The following ST18 variants were observed in gnomAD, a reference collection of about 807,000 sequenced individuals.
ST18 encodes the protein ST18 C2H2C-type zinc finger transcription factor.
Under a neutral mutation model 110.0 loss-of-function variants are expected in ST18, and 50 were observed. The observed-to-expected ratio is 0.45, with a 90% CI of 0.36 to 0.58. ST18 has a LOEUF of 0.58. Ranked by LOEUF, ST18 falls within the 20% of genes least tolerant of loss-of-function variation. ST18 has a pLI of 0.00. For missense variants in ST18, 1,306 were observed against 1,280.1 expected (o/e 1.02, Z -0.31); for synonymous variants, 461 against 452.4 (o/e 1.02, Z -0.24).
At chr8:52,369,351 T>C (rs150608398) in intron 2 of ST18, among the ~76,000 whole-genome samples, 40 of 152,300 alleles carry the variant, frequency 2.6e-4, no homozygotes, top group African/African-American at 9.4e-4. Flanking sequence ...TGGAGTATAC[T>C]ATTTCTGAGT....
chr8:52,179,132 C>T (rs1245294012), intron 9 of ST18, among the ~76,000 whole-genome samples: 5 of 152,052 alleles, frequency 3.3e-5, no homozygotes, highest in African/African-American at 1.2e-4. Flanking sequence ...GTAGAATATA[C>T]ATCTAGTTTC....
chr8:52,210,551 G>A (rs1203276634), intron 8 of ST18, among the ~76,000 whole-genome samples: 2 of 152,042 alleles, frequency 1.3e-5, no homozygotes, highest in East Asian at 1.9e-4. Flanking sequence ...CCAGCTACTC[G>A]AGAGGCTGAG....
At chr8:52,203,443 T>C (rs1439939087) in intron 8 of ST18, among the ~76,000 whole-genome samples, 7 of 152,162 alleles carry the variant, frequency 4.6e-5, no homozygotes, top group Non-Finnish European at 7.4e-5. Flanking sequence ...TAGTAGAGTT[T>C]TGAGAATTTA....
chr8:52,276,869 C>T (rs1443300134), intron 2 of ST18, among the ~76,000 whole-genome samples: 4 of 151,284 alleles, frequency 2.6e-5, no homozygotes, highest in South Asian at 2.1e-4. Context: ...CGGGTTCAAG[C>T]GATTCTCCTG....
chr8:52,409,542 T>C lies in ST18; in HGVS notation c.-590+6A>G, dbSNP rs1008717273. The C allele has an allele frequency of 2.0e-5, 3 of 147,558 alleles. No individual in the cohort carries two copies. Among genetic ancestry groups the C allele is most frequent in the African/African-American group, 7.4e-5 (3 of 40,462 alleles). 9.1% of individuals were successfully genotyped at this position (147,558 alleles called of 1,614,324 possible). On this transcript the variant is annotated splice_donor_region_variant and intron_variant, in intron 1 of 25. Coordinates refer to ENST00000689386, the MANE Select transcript of ST18 (RefSeq NM_001352837.2). ...CTACACAAATGCCAAGCCAATGTGA[T>C]AGCACCTTCCACAACTCTGCCAGGC...
chr8:52,282,679 C>T lies in ST18; in HGVS notation c.-464-52602G>A, dbSNP rs75847447. 4.1e-4 allele frequency among the ~76,000 whole-genome samples: 63 copies of T among 152,248 alleles called. No homozygotes were observed. The East Asian group carries it at 0.012, about 29-fold the overall frequency. On this transcript the variant is annotated intron_variant, in intron 2 of 25. Coordinates refer to ENST00000689386, the MANE Select transcript of ST18 (RefSeq NM_001352837.2). ...TTAGGTGCTTGAGGTATGAACCCCTCAGCCAGTACCAGAACTATCCTCCAG... is the reference window on the plus strand; with the variant it reads ...TTAGGTGCTTGAGGTATGAACCCCTTAGCCAGTACCAGAACTATCCTCCAG...
chr8:52,264,360 C>A lies in ST18; in HGVS notation c.-464-34283G>T, dbSNP rs550697596. 7.2e-5 allele frequency among the ~76,000 whole-genome samples: 11 copies of A among 152,074 alleles called. No individual in the cohort carries two copies. In the South Asian group the frequency reaches 2.3e-3, roughly 32 times the overall value. ...TCACACATCTGGGGTTTAAAAATTA[C>A]CCATATCAGCCAATTAAAACATTTC... is the stretch of plus-strand genomic sequence containing the variant. On this transcript the variant is annotated intron_variant, in intron 2 of 25. Transcript: ENST00000689386.
chr8:52,269,269 G>T (rs2094989816), intron 2 of ST18, among the ~76,000 whole-genome samples: 1 of 152,152 alleles, frequency 6.6e-6, no homozygotes, highest in Non-Finnish European at 1.5e-5. Context: ...GAGATAAATG[G>T]GTGAATGCAT....
chr8:52,388,690 T>G (rs1350341570), intron 2 of ST18, among the ~76,000 whole-genome samples: 2 of 150,432 alleles, frequency 1.3e-5, no homozygotes, highest in Non-Finnish European at 3.0e-5. Flanking sequence ...GAGAGAGAAG[T>G]CTACTCAGAT....
rs964495818 is a variant in ST18, at chr8:52,382,997, C to T, written c.-465+26331G>A. ...CACGCTTTCCAGTAAACCTTTCTATCGTAAAACCTGGGTTCTCCTTCTCTT... is the reference window on the plus strand; with the variant it reads ...CACGCTTTCCAGTAAACCTTTCTATTGTAAAACCTGGGTTCTCCTTCTCTT... On this transcript the variant is annotated intron_variant, in intron 2 of 25. Transcript: ENST00000689386. Among the ~76,000 whole-genome samples the T allele has an allele frequency of 2.6e-4, 39 of 152,092 alleles. 1 individual carries two copies. Among genetic ancestry groups the T allele is most frequent in the Admixed American group, 2.2e-3 (33 of 15,278 alleles).
chr8:52,234,369 A>T (rs2092244316), intron 2 of ST18, among the ~76,000 whole-genome samples: 1 of 151,950 alleles, frequency 6.6e-6, no homozygotes. Context: ...GATTCAAGTG[A>T]TTCTCCTGCC....
At chr8:52,250,592 A>G (rs1317901589) in intron 2 of ST18, among the ~76,000 whole-genome samples, 2 of 151,816 alleles carry the variant, frequency 1.3e-5, no homozygotes, top group African/African-American at 4.8e-5. Flanking sequence ...TAAATCCAAC[A>G]AACCCACCAC....
At chr8:52,256,684 T>C (rs1347447146) in intron 2 of ST18, among the ~76,000 whole-genome samples, 2 of 152,242 alleles carry the variant, frequency 1.3e-5, no homozygotes, top group Admixed American at 1.3e-4. Context: ...CATGGATTTC[T>C]AGCTGACAGT....
rs538407347 is a variant in ST18 at position 52,121,856 on chromosome 8, T to G, written c.2756-3415A>C. On this transcript the variant is annotated intron_variant, in intron 23 of 25. Coordinates refer to ENST00000689386, the MANE Select transcript of ST18 (RefSeq NM_001352837.2). ...ACTATCCACTAAATTATTATTATTA[T>G]TATTTTTTGAGTCAGAGTCTCACTC... Among the ~76,000 whole-genome samples the G allele has an allele frequency of 2.0e-5, 3 of 152,256 alleles. No individual in the cohort carries two copies. In the South Asian group the frequency reaches 6.2e-4, roughly 32 times the overall value.
rs963159682 is a variant in ST18 at position 52,409,723 on chromosome 8, T to C, written c.-765A>G. On this transcript the variant is annotated 5_prime_UTR_variant, in exon 1 of 26. Coordinates refer to ENST00000689386, the MANE Select transcript of ST18 (RefSeq NM_001352837.2). The stretch of plus-strand genomic sequence containing the variant: ...AGGTCACATTCAGTTAAAAACATCC[T>C]GCCCTTCTCCCTACAAAAAGGTTCC... 2.6e-5 allele frequency: 4 copies of C among 152,290 alleles called. No homozygotes were observed. Among genetic ancestry groups the C allele is most frequent in the African/African-American group, 4.8e-5 (2 of 41,480 alleles). The allele number at this position is 152,290 out of a possible 1,614,324, so 9.4% of individuals were successfully genotyped here.
intron 13 of ST18, among the ~76,000 whole-genome samples, chr8:52,162,210 CA>C (rs929584091): frequency 1.3e-5 from 2 of 150,944 alleles, no homozygotes; most frequent in East Asian, 1.9e-4. Flanking sequence ...GACTCCATCT[CA>C]AAAAAAACAA....
chr8:52,176,314 G>T (rs1035185876), intron 9 of ST18, among the ~76,000 whole-genome samples: 2 of 152,174 alleles, frequency 1.3e-5, no homozygotes, highest in Non-Finnish European at 1.5e-5. Flanking sequence ...GAGCCACCGC[G>T]CCTGGCCAAT....
chr8:52,128,550 T>C (rs1014607077), intron 22 of ST18, among the ~76,000 whole-genome samples: 1 of 152,180 alleles, frequency 6.6e-6, no homozygotes, highest in South Asian at 2.1e-4. Context: ...AAGCAAGGTT[T>C]GAAGGTAGTT....
chr8:52,284,786 T>A (rs2095441138), intron 2 of ST18, among the ~76,000 whole-genome samples: 1 of 152,132 alleles, frequency 6.6e-6, no homozygotes, highest in African/African-American at 2.4e-5. Flanking sequence ...TCAGGGGGAC[T>A]GGAGTGAAGG....
Sources: allele counts gnomAD v4.1 joint callset (sites outside exome capture counted in the v4.1 genomes callset), GRCh38; gene constraint gnomAD v4.1.1; transcripts MANE v1.5; gene names NCBI Gene and HGNC (gene_info 2026-07-23, HGNC 2026-07-21).